Variants in SCN2A observed in about 807,000 individuals in gnomAD.
SCN2A encodes the protein sodium channel protein type 2 subunit alpha.
Under a neutral mutation model 188.7 loss-of-function variants are expected in SCN2A, and 20 were observed. That is an observed-to-expected ratio of 0.11 (90% CI 0.07 to 0.15). The LOEUF (loss-of-function observed/expected upper bound fraction) is 0.15. SCN2A is among the 10% of genes least tolerant of loss of function. The pLI, the probability that SCN2A is intolerant of heterozygous loss-of-function variation, is 1.00. For missense variants in SCN2A, 1,278 were observed against 2,445.0 expected (o/e 0.52, Z 10.07); for synonymous variants, 804 against 833.1 (o/e 0.97, Z 0.60).
At chr2:165,365,377 C>G (rs1309821294) in intron 18 of SCN2A, 114 bp downstream of exon 18, 3 of 237,172 alleles carry the variant, frequency 1.3e-5, no homozygotes, top group Non-Finnish European at 2.1e-5. Context: ...CTATCTGTAT[C>G]TATCTATCTA....
At chr2:165,306,077 A>T (rs6432820) in intron 3 of SCN2A, among the ~76,000 whole-genome samples, 1 of 152,050 alleles carries the variant, frequency 6.6e-6, no homozygotes, top group Non-Finnish European at 1.5e-5. Context: ...AGGAGGAAAG[A>T]ATTGGTCTCA....
intron 17 of SCN2A, among the ~76,000 whole-genome samples, chr2:165,358,467 T>C (rs1325247258): frequency 2.0e-5 from 3 of 152,162 alleles, no homozygotes; most frequent in African/African-American, 7.2e-5. Context: ...ATGGCACTGC[T>C]TTATTTAGGA....
chr2:165,369,285 G>C (rs1326925786), intron 19 of SCN2A, among the ~76,000 whole-genome samples: 6 of 152,192 alleles, frequency 3.9e-5, no homozygotes, highest in Non-Finnish European at 7.4e-5. Context: ...TTAGTGACTA[G>C]TACCTTTGCT....
At chr2:165,339,583 T>C (rs2105309275) in intron 14 of SCN2A, among the ~76,000 whole-genome samples, 1 of 152,192 alleles carries the variant, frequency 6.6e-6, no homozygotes, top group African/African-American at 2.4e-5. Flanking sequence ...ACGAAGAATA[T>C]AGTAATAAAT....
chr2:165,350,464 C>CTTTTTTTTTTTTTTTTTTTTT (rs71028479), intron 16 of SCN2A, among the ~76,000 whole-genome samples: 2 of 73,840 alleles, frequency 2.7e-5, no homozygotes, highest in Non-Finnish European at 5.0e-5. Flanking sequence ...TGTTTTCTTT[C>CTTTTTTTTTTTTTTTTTTTTT]TTTTTTTTTT....
Position 165,385,259 on chromosome 2 carries a change from G to GTAT in SCN2A, c.4552-1484_4552-1482dup, listed in dbSNP as rs1176061983. 3.9e-5 allele frequency among the ~76,000 whole-genome samples: 6 copies of GTAT among 152,128 alleles called. No homozygotes were observed. In the East Asian group the frequency reaches 1.2e-3, roughly 29 times the overall value. Reference sequence around the variant, plus strand: ...AGCCATTAGGTGTATATGTAGCAGAGTATTAGTCATTCTAGTTGAGAAGGT... The same window carrying GTAT: ...AGCCATTAGGTGTATATGTAGCAGAGTATTATTAGTCATTCTAGTTGAGAAGGT... On this transcript the variant is annotated intron_variant, in intron 25 of 26. Coordinates refer to ENST00000375437, the MANE Select transcript of SCN2A (RefSeq NM_001040142.2).
Position 165,342,386 on chromosome 2 carries a change from G to T in SCN2A, c.2479G>T (p.Asp827Tyr). Residue 827 changes from aspartate to tyrosine, a missense_variant, in exon 15 of 27, where the codon GAT becomes TAT. Physicochemically the swap from Asp to Tyr is radical, Grantham distance 160 (BLOSUM62 -3). Coordinates refer to ENST00000375437, the MANE Select transcript of SCN2A (RefSeq NM_001040142.2). ...CTTTCAAGAAGGCTGGAATATTTTT[G>T]ATGGTTTTATTGTGAGCCTTAGTTT... ...YYFQEGWNIF[D>Y]GFIVSLSLME... The T allele has an allele frequency of 6.2e-7, 1 of 1,613,942 alleles. No individual in the cohort carries two copies. Among genetic ancestry groups the T allele is most frequent in the Non-Finnish European group, 8.5e-7 (1 of 1,179,916 alleles).
chr2:165,340,431 T>C (rs1431327111), intron 14 of SCN2A, among the ~76,000 whole-genome samples: 4 of 152,124 alleles, frequency 2.6e-5, no homozygotes, highest in African/African-American at 9.7e-5. Context: ...TAGAGAGAGA[T>C]TCCATTTACT....
intron 1 of SCN2A, chr2:165,271,988 A>T (rs534345679): frequency 6.6e-6 from 1 of 152,122 alleles, no homozygotes; most frequent in African/African-American, 2.4e-5. Context: ...AGTTGTTCCT[A>T]AGTTTTAACT....
intron 17 of SCN2A, among the ~76,000 whole-genome samples, chr2:165,357,131 G>C (rs895266998): frequency 6.6e-6 from 1 of 152,020 alleles, no homozygotes; most frequent in African/African-American, 2.4e-5. Context: ...TAAATGATGA[G>C]GGTTATCGCC....
intron 12 of SCN2A, among the ~76,000 whole-genome samples, chr2:165,323,939 C>G (rs545855260): frequency 1.3e-5 from 2 of 152,230 alleles, no homozygotes; most frequent in East Asian, 3.9e-4. Context: ...GATTTAAATC[C>G]CATAGTACAA....
At chr2:165,265,480 T>TATAC (rs1694808498) in intron 1 of SCN2A, among the ~76,000 whole-genome samples, 1 of 101,956 alleles carries the variant, frequency 9.8e-6, no homozygotes, top group Non-Finnish European at 2.0e-5. Flanking sequence ...TCTATATATA[T>TATAC]ATATATATAT....
At chr2:165,251,560 T>C (rs1013918144) in intron 1 of SCN2A, among the ~76,000 whole-genome samples, 1 of 151,050 alleles carries the variant, frequency 6.6e-6, no homozygotes, top group Non-Finnish European at 1.5e-5. Flanking sequence ...GGGCATTTAT[T>C]CCCCAGATCC....
intron 3 of SCN2A, among the ~76,000 whole-genome samples, chr2:165,299,168 C>T (rs1696662342): frequency 2.0e-5 from 3 of 151,786 alleles, no homozygotes; most frequent in South Asian, 4.2e-4. Context: ...AAAGAGACTC[C>T]TGGTGGTAGA....
chr2:165,284,326 A>G (rs1040868738), intron 1 of SCN2A, among the ~76,000 whole-genome samples: 1 of 152,006 alleles, frequency 6.6e-6, no homozygotes, highest in Non-Finnish European at 1.5e-5. Context: ...GCCCGCCACC[A>G]CACCTGGCTA....
chr2:165,338,442 A>G (rs1322148152), intron 14 of SCN2A, among the ~76,000 whole-genome samples: 1 of 151,838 alleles, frequency 6.6e-6, no homozygotes, highest in Non-Finnish European at 1.5e-5. Flanking sequence ...TTGCATTTTT[A>G]GTAGAGACGG....
chr2:165,386,681 CAGA>C, intron 25 of SCN2A, 62 bp from the exon 26 acceptor site: 1 of 1,488,174 alleles, frequency 6.7e-7, no homozygotes, highest in Non-Finnish European at 9.3e-7. Flanking sequence ...TTCTTAAAAT[CAGA>C]AGAATTGAAT....
intron 1 of SCN2A, among the ~76,000 whole-genome samples, chr2:165,250,691 T>C (rs1694051848): frequency 6.6e-6 from 1 of 151,974 alleles, no homozygotes; most frequent in Non-Finnish European, 1.5e-5. Context: ...TTATTATCTA[T>C]CTATCGTCAA....
At chr2:165,328,027 G>T (rs1698452979) in intron 13 of SCN2A, 1 of 151,840 alleles carries the variant, frequency 6.6e-6, no homozygotes, top group Admixed American at 6.6e-5. Flanking sequence ...GAGAAAAGGA[G>T]AATGAAAGCA....
Sources: allele counts gnomAD v4.1 joint callset (sites outside exome capture counted in the v4.1 genomes callset), GRCh38; gene constraint gnomAD v4.1.1; transcripts MANE v1.5; gene names NCBI Gene and HGNC (gene_info 2026-07-23, HGNC 2026-07-21).